Variants in SEZ6L observed in about 807,000 individuals in gnomAD.
SEZ6L encodes seizure related 6 homolog like, also known as seizure 6-like protein.
In SEZ6L, 37 loss-of-function variants were observed where a neutral mutation model predicts 106.2. The ratio of observed to expected loss-of-function variants is 0.35; its 90% CI spans 0.27 to 0.46. The LOEUF (loss-of-function observed/expected upper bound fraction) is 0.46. Among genes scored for constraint, SEZ6L ranks in the 20% least tolerant of loss-of-function variants. The pLI is 1.00. For synonymous variants in SEZ6L, 541 were observed against 570.4 expected (o/e 0.95, Z 0.73); for missense variants, 1,172 against 1,332.8 (o/e 0.88, Z 1.88).
intron 9 of SEZ6L, among the ~76,000 whole-genome samples, chr22:26,315,013 A>C (rs2081957678): frequency 6.6e-6 from 1 of 152,248 alleles, no homozygotes. Flanking sequence ...GGTTCCTGAC[A>C]GACCCAGGTG....
intron 9 of SEZ6L, among the ~76,000 whole-genome samples, chr22:26,321,816 C>T (rs544446493): frequency 1.6e-4 from 24 of 152,150 alleles, no homozygotes; most frequent in African/African-American, 5.8e-4. Flanking sequence ...GGTAGGTGGC[C>T]CATAGTAGGC....
chr22:26,178,170 A>G (rs1939148338), intron 1 of SEZ6L, among the ~76,000 whole-genome samples: 1 of 152,200 alleles, frequency 6.6e-6, no homozygotes, highest in African/African-American at 2.4e-5. Flanking sequence ...TGACTGCATG[A>G]AAGAGGCTTT....
chr22:26,275,482 C>A (rs1462838823), intron 1 of SEZ6L, among the ~76,000 whole-genome samples: 1 of 152,100 alleles, frequency 6.6e-6, no homozygotes, highest in Non-Finnish European at 1.5e-5. Flanking sequence ...CAAAGAGCAC[C>A]TATATTGTCA....
chr22:26,254,710 C>T (rs1324654622), intron 1 of SEZ6L, among the ~76,000 whole-genome samples: 1 of 152,154 alleles, frequency 6.6e-6, no homozygotes, highest in African/African-American at 2.4e-5. Flanking sequence ...ATTAATTCTT[C>T]CTCTCTACTA....
intron 1 of SEZ6L, among the ~76,000 whole-genome samples, chr22:26,264,643 T>C (rs2145825468): frequency 6.6e-6 from 1 of 152,372 alleles, no homozygotes; most frequent in Non-Finnish European, 1.5e-5. Context: ...CTTTGATGGT[T>C]ATTTAGTCTC....
intron 1 of SEZ6L, among the ~76,000 whole-genome samples, chr22:26,213,525 A>C (rs1473157793): frequency 1.3e-5 from 2 of 152,234 alleles, no homozygotes. Flanking sequence ...AATGCAGTTC[A>C]TTCACAGATC....
chr22:26,362,054 C>T (rs953034652), intron 12 of SEZ6L, among the ~76,000 whole-genome samples: 1 of 152,024 alleles, frequency 6.6e-6, no homozygotes, highest in Non-Finnish European at 1.5e-5. Context: ...AAAGCACAGG[C>T]TTTAAAAATA....
intron 1 of SEZ6L, among the ~76,000 whole-genome samples, chr22:26,261,723 C>A (rs1330692210): frequency 6.6e-6 from 1 of 152,074 alleles, no homozygotes; most frequent in East Asian, 1.9e-4. Context: ...TGTAAAAAGA[C>A]AAAATTGGCC....
chr22:26,244,409 TGAGGAATGCA>T (rs2079255806), intron 1 of SEZ6L: 1 of 152,292 alleles, frequency 6.6e-6, no homozygotes, highest in South Asian at 2.1e-4. Context: ...GGCACAGGAA[TGAGGAATGCA>T]GAGTTTCTAC....
chr22:26,270,845 G>A (rs561539143), intron 1 of SEZ6L, among the ~76,000 whole-genome samples: 2 of 152,136 alleles, frequency 1.3e-5, no homozygotes, highest in South Asian at 4.2e-4. Context: ...CCCCAGCCTC[G>A]AGCTTCCAAC....
At chr22:26,257,717 T>C (rs1014168705) in intron 1 of SEZ6L, among the ~76,000 whole-genome samples, 4 of 152,100 alleles carry the variant, frequency 2.6e-5, no homozygotes, top group Admixed American at 2.6e-4. Flanking sequence ...CCTATCTCCA[T>C]TACTCCAGCC....
chr22:26,333,545 A>G (rs999575659), intron 9 of SEZ6L, among the ~76,000 whole-genome samples: 1 of 150,320 alleles, frequency 6.7e-6, no homozygotes, highest in Non-Finnish European at 1.5e-5. Context: ...GGTCAAAGCC[A>G]CAGTCTACTC....
At chr22:26,194,322 G>A (rs1251118372) in intron 1 of SEZ6L, among the ~76,000 whole-genome samples, 2 of 152,158 alleles carry the variant, frequency 1.3e-5, no homozygotes, top group African/African-American at 4.8e-5. Context: ...AACGTTATTT[G>A]CAGTGGGATG....
chr22:26,330,897 A>C (rs2082459906), intron 9 of SEZ6L, among the ~76,000 whole-genome samples: 1 of 152,244 alleles, frequency 6.6e-6, no homozygotes, highest in Non-Finnish European at 1.5e-5. Flanking sequence ...AACATTAGAC[A>C]TTTCAAAGTA....
intron 12 of SEZ6L, among the ~76,000 whole-genome samples, chr22:26,355,880 C>T (rs2083422100): frequency 6.6e-6 from 1 of 152,226 alleles, no homozygotes; most frequent in Non-Finnish European, 1.5e-5. Context: ...TACCCCAGGG[C>T]ACTTTAAGAA....
At position 26,202,296 on chromosome 22, in the gene SEZ6L, G is replaced by A. The variant is rs570643840; in HGVS notation, c.94+32533G>A. On this transcript the variant is annotated intron_variant, in intron 1 of 16. Coordinates refer to ENST00000248933, the MANE Select transcript of SEZ6L (RefSeq NM_021115.5). The stretch of plus-strand genomic sequence containing the variant: ...AAACAAATGGTTAAATCTCTGAATC[G>A]TGTAAAAGCAGAATCTATTGCTAGA... 4.6e-5 allele frequency among the ~76,000 whole-genome samples: 7 copies of A among 152,200 alleles called. No individual in the cohort carries two copies. The South Asian group carries it at 1.2e-3, about 27-fold the overall frequency.
In SEZ6L at chr22:26,370,310, G is replaced by A. The variant is rs531216368; in HGVS notation, c.2795-3141G>A. On this transcript the variant is annotated intron_variant, in intron 13 of 16. Transcript: ENST00000248933. ...TGAGGCAGGACAATGGCGTGAACGT[G>A]GGAGGCGGAGCTTGCGGTGAGCTGA... Among the ~76,000 whole-genome samples, 13 of 152,182 alleles carry A rather than the reference G, an allele frequency of 8.5e-5. No homozygotes were observed. The South Asian group carries it at 2.7e-3, about 32-fold the overall frequency.
chr22:26,253,517 G>C (rs1235253713), intron 1 of SEZ6L, among the ~76,000 whole-genome samples: 1 of 152,130 alleles, frequency 6.6e-6, no homozygotes, highest in Non-Finnish European at 1.5e-5. Flanking sequence ...CAGGGCTCTT[G>C]ACTTCATTTT....
chr22:26,218,540 G>A (rs572692906), intron 1 of SEZ6L, among the ~76,000 whole-genome samples: 24 of 152,340 alleles, frequency 1.6e-4, no homozygotes, highest in African/African-American at 5.0e-4. Flanking sequence ...GGTGGCTTAC[G>A]CCTATAATCT....
Sources: gnomAD v4.1 joint callset for allele counts (sites outside exome capture counted in the v4.1 genomes callset) on GRCh38, gnomAD v4.1.1 for gene constraint, MANE v1.5 for transcripts, NCBI Gene and HGNC (gene_info 2026-07-23, HGNC 2026-07-21) for gene names.